The following GLIS3 variants were observed in gnomAD, a reference collection of about 807,000 sequenced individuals.
GLIS3 encodes the protein zinc finger protein GLIS3.
In GLIS3, 53 loss-of-function variants were observed where a neutral mutation model predicts 78.6. The ratio of observed to expected loss-of-function variants is 0.67; its 90% CI spans 0.54 to 0.85. The LOEUF (loss-of-function observed/expected upper bound fraction) is 0.85. Ranked by LOEUF, GLIS3 falls within the 40% of genes least tolerant of loss-of-function variation. The pLI, the probability that GLIS3 is intolerant of heterozygous loss-of-function variation, is 0.00. For synonymous variants in GLIS3, 684 were observed against 509.9 expected, an observed-to-expected ratio of 1.34 and a Z score of -4.60; for missense variants, 1,703 against 1,231.1, an observed-to-expected ratio of 1.38 and a Z score of -5.74.
Position 4,118,148 on chromosome 9 carries a change from G to C in GLIS3, c.1330C>G (p.Pro444Ala). 6.4e-7 allele frequency: 1 copy of C among 1,555,148 alleles called. No homozygotes were observed. Among genetic ancestry groups the C allele is most frequent in the Non-Finnish European group, 8.7e-7 (1 of 1,150,006 alleles). The change falls in exon 4 of 11, where the codon CCC becomes GCC. Residue 444 changes from proline to alanine, a missense_variant. Pro to Ala is a conservative substitution (Grantham distance 27). Transcript: ENST00000381971. The surrounding 1 kb of genome is among the most constrained non-coding windows in gnomAD (Gnocchi z 4.7). ...EEFPGSTVDLPPAPPLPPLPP... is the reference protein window; with the variant it reads ...EEFPGSTVDLAPAPPLPPLPP... ...AGAGGAGGGAGCGGAGGCGCGGGGGGTAGGTCTACGGTGCTGCCCGGGAAC... is the reference window on the plus strand; with the variant it reads ...AGAGGAGGGAGCGGAGGCGCGGGGGCTAGGTCTACGGTGCTGCCCGGGAAC...
chr9:4,340,758 C>G (rs570837498), intron 2 of GLIS3, among the ~76,000 whole-genome samples: 12 of 152,288 alleles, frequency 7.9e-5, no homozygotes, highest in African/African-American at 2.4e-4. Context: ...TTCAGTGGCA[C>G]TATCTCAACT....
At chr9:4,308,078 G>A (rs1260478314) in intron 4 of GLIS3, among the ~76,000 whole-genome samples, 1 of 152,118 alleles carries the variant, frequency 6.6e-6, no homozygotes, top group East Asian at 1.9e-4. Flanking sequence ...AGTATTTAAT[G>A]CTCTTGATAC....
At chr9:4,298,254 G>T in intron 1 of GLIS3, 1 of 321,990 alleles carries the variant, frequency 3.1e-6, no homozygotes, top group Non-Finnish European at 6.2e-6. Flanking sequence ...CCGGCCCCCC[G>T]GTCCCCGCCG....
chr9:3,926,864 A>C (rs1211861410), intron 6 of GLIS3, among the ~76,000 whole-genome samples: 1 of 151,752 alleles, frequency 6.6e-6, no homozygotes, highest in Non-Finnish European at 1.5e-5. Flanking sequence ...GCCTCAAGTG[A>C]TCCACCCACC....
Position 3,825,992 on chromosome 9 carries a change from G to C in GLIS3, c.*2280C>G, listed in dbSNP as rs1817707832. The C allele has an allele frequency of 6.6e-6, 1 of 152,216 alleles. No homozygotes were observed. The highest frequency in any genetic ancestry group is 2.1e-4 in the South Asian group (1 of 4,834). The allele number at this position is 152,216 out of a possible 1,614,324, so 9.4% of individuals were successfully genotyped here. A position where few individuals can be genotyped will look rare whatever the true frequency, so the allele number is the denominator to read the frequency against. ...TAAGAAAGGGGCAGGGTTACTGTGA[G>C]AGGCCACAGGAAGACTGGAGCCTGG... On this transcript the variant is annotated 3_prime_UTR_variant, in exon 11 of 11. Coordinates refer to ENST00000381971, the MANE Select transcript of GLIS3 (RefSeq NM_001042413.2).
chr9:4,354,044 G>A, the GLIS3 span, among the ~76,000 whole-genome samples: 1 of 147,716 alleles, frequency 6.8e-6, no homozygotes, highest in South Asian at 2.1e-4. Flanking sequence ...CACCGTGTTA[G>A]CCAGGATGGT....
chr9:3,924,523 A>G (rs746803189), intron 6 of GLIS3, among the ~76,000 whole-genome samples: 1 of 152,226 alleles, frequency 6.6e-6, no homozygotes, highest in Non-Finnish European at 1.5e-5. Context: ...ATCCACCATG[A>G]AAAGTTTTTG....
chr9:4,231,101 T>G (rs1157396083), intron 2 of GLIS3, among the ~76,000 whole-genome samples: 4 of 5,742 alleles, frequency 7.0e-4, no homozygotes, highest in African/African-American at 2.6e-3. Context: ...AAGATAAATA[T>G]GTTCAGGATA....
chr9:3,887,860 C>G (rs1822181069), intron 7 of GLIS3, among the ~76,000 whole-genome samples: 1 of 152,156 alleles, frequency 6.6e-6, no homozygotes, highest in Non-Finnish European at 1.5e-5. Context: ...TCTGGCAGCT[C>G]TATCAACTTC....
At chr9:4,228,635 C>G (rs977599886) in intron 2 of GLIS3, among the ~76,000 whole-genome samples, 1 of 152,212 alleles carries the variant, frequency 6.6e-6, no homozygotes, top group Non-Finnish European at 1.5e-5. Flanking sequence ...GCTTCTTAAT[C>G]CCCTATGTAT....
intron 4 of GLIS3, among the ~76,000 whole-genome samples, chr9:4,023,737 G>A (rs1823075347): frequency 6.6e-6 from 1 of 152,172 alleles, no homozygotes; most frequent in Admixed American, 6.5e-5. Context: ...AGCAGCTCTA[G>A]GTTTGCTCCC....
the GLIS3 span, among the ~76,000 whole-genome samples, chr9:4,396,720 T>C: frequency 6.6e-6 from 1 of 152,218 alleles, no homozygotes; most frequent in Non-Finnish European, 1.5e-5. Context: ...TGTACAGACA[T>C]AAATTTCACA....
intron 2 of GLIS3, among the ~76,000 whole-genome samples, chr9:4,272,150 C>G (rs1826570739): frequency 6.6e-6 from 1 of 152,130 alleles, no homozygotes; most frequent in African/African-American, 2.4e-5. Flanking sequence ...TTCTAATTGC[C>G]TACCTGACTG....
chr9:4,146,967 T>C (rs1834269924), intron 2 of GLIS3, among the ~76,000 whole-genome samples: 1 of 152,204 alleles, frequency 6.6e-6, no homozygotes, highest in Non-Finnish European at 1.5e-5. Context: ...AAAGCATCTT[T>C]AGAGTCAAAT....
chr9:4,426,496 T>A, the GLIS3 span, among the ~76,000 whole-genome samples: 1 of 152,228 alleles, frequency 6.6e-6, no homozygotes, highest in African/African-American at 2.4e-5. Flanking sequence ...AGGACACCTC[T>A]TTGCCCATCA....
chr9:4,437,385 A>G, the GLIS3 span, among the ~76,000 whole-genome samples: 1 of 150,532 alleles, frequency 6.6e-6, no homozygotes, highest in African/African-American at 2.5e-5. Context: ...TATTTTCTAA[A>G]TTTTCTAGGT....
At chr9:4,352,316 G>A (rs550324319), upstream of GLIS3, among the ~76,000 whole-genome samples, 29 of 152,360 alleles carry the variant, frequency 1.9e-4, no homozygotes, top group Non-Finnish European at 3.8e-4. Context: ...CCTGAGGTTG[G>A]CCTATGACTA....
At chr9:4,103,925 G>A (rs916209825) in intron 4 of GLIS3, among the ~76,000 whole-genome samples, 51 of 152,070 alleles carry the variant, frequency 3.4e-4, no homozygotes, top group African/African-American at 1.2e-3. Context: ...GTGGAGTAAG[G>A]GTAACACAGC....
At chr9:4,450,932 C>T in the GLIS3 span, among the ~76,000 whole-genome samples, 3 of 152,198 alleles carry the variant, frequency 2.0e-5, no homozygotes, top group African/African-American at 7.2e-5. Context: ...TAGAAAGAAA[C>T]TGCATCAACT....
Sources: gnomAD v4.1 joint callset for allele counts (sites outside exome capture counted in the v4.1 genomes callset) on GRCh38, gnomAD v4.1.1 for gene constraint, Gnocchi (gnomAD v3.1) non-coding constraint, MANE v1.5 for transcripts, NCBI Gene and HGNC (gene_info 2026-07-23, HGNC 2026-07-21) for gene names.